ME1: variants seen among roughly 807,000 people sequenced by gnomAD.
ME1 encodes the protein NADP-dependent malic enzyme.
ME1 carries 74 observed loss-of-function variants against 66.4 expected under a neutral mutation model. The ratio of observed to expected loss-of-function variants is 1.11; its 90% CI spans 0.92 to 1.35. The LOEUF (loss-of-function observed/expected upper bound fraction) is 1.35. ME1 is among the 40% of genes most tolerant of loss of function. The pLI, the probability that ME1 is intolerant of heterozygous loss-of-function variation, is 0.00. For synonymous variants in ME1, 251 were observed against 235.6 expected (o/e 1.07, Z -0.60); for missense variants, 750 against 694.1 (o/e 1.08, Z -0.90).
intron 4 of ME1, among the ~76,000 whole-genome samples, chr6:83,347,479 T>C (rs956444677): frequency 1.3e-5 from 2 of 152,194 alleles, no homozygotes; most frequent in African/African-American, 2.4e-5. Context: ...GTCAGTTATT[T>C]GGCCTTGGGT....
chr6:83,296,660 T>C (rs146089384), intron 6 of ME1, among the ~76,000 whole-genome samples: 3 of 152,132 alleles, frequency 2.0e-5, no homozygotes, highest in East Asian at 3.8e-4. Flanking sequence ...ATTGGAAGTC[T>C]TGTCCACAGC....
intron 1 of ME1, among the ~76,000 whole-genome samples, chr6:83,409,288 C>T (rs1319847611): frequency 1.3e-5 from 2 of 152,214 alleles, no homozygotes; most frequent in Non-Finnish European, 2.9e-5. Flanking sequence ...CTACTGCTAT[C>T]TCTAATCAAC....
chr6:83,254,768 C>G (rs1347902350), intron 6 of ME1, among the ~76,000 whole-genome samples: 1 of 152,164 alleles, frequency 6.6e-6, no homozygotes. Flanking sequence ...GCTGCAATTT[C>G]TCCTTTACTA....
chr6:83,368,925 TA>T (rs1583404353), intron 3 of ME1, among the ~76,000 whole-genome samples: 1 of 152,174 alleles, frequency 6.6e-6, no homozygotes, highest in African/African-American at 2.4e-5. Flanking sequence ...TTTCCCATTT[TA>T]TTTTCATTTC....
At chr6:83,362,522 C>G (rs1371325746) in intron 3 of ME1, among the ~76,000 whole-genome samples, 1 of 152,192 alleles carries the variant, frequency 6.6e-6, no homozygotes, top group African/African-American at 2.4e-5. Flanking sequence ...TACGTATGGG[C>G]TCAGCAACAT....
intron 3 of ME1, among the ~76,000 whole-genome samples, chr6:83,361,084 G>T (rs574929563): frequency 9.8e-5 from 15 of 152,358 alleles, no homozygotes; most frequent in South Asian, 6.2e-4. Context: ...GCTCCTGCAA[G>T]ATATGACACT....
intron 7 of ME1, among the ~76,000 whole-genome samples, chr6:83,242,313 A>G (rs1489841782): frequency 6.6e-6 from 1 of 152,240 alleles, no homozygotes; most frequent in Non-Finnish European, 1.5e-5. Flanking sequence ...ACCTTTTATC[A>G]AAGAATAGCC....
intron 3 of ME1, among the ~76,000 whole-genome samples, chr6:83,365,078 G>A (rs564329009): frequency 2.0e-5 from 3 of 152,116 alleles, no homozygotes; most frequent in Non-Finnish European, 4.4e-5. Context: ...CCCTGAGGCA[G>A]GCCACCAACC....
At chr6:83,387,997 T>C (rs984884214) in intron 3 of ME1, among the ~76,000 whole-genome samples, 1 of 152,120 alleles carries the variant, frequency 6.6e-6, no homozygotes, top group Non-Finnish European at 1.5e-5. Context: ...CCCTTCTACT[T>C]GGAAGTCCGA....
At chr6:83,277,540 T>C (rs1416821545) in intron 6 of ME1, among the ~76,000 whole-genome samples, 4 of 152,104 alleles carry the variant, frequency 2.6e-5, no homozygotes, top group African/African-American at 4.8e-5. Flanking sequence ...TAACAAAACA[T>C]GGGGAAAGGA....
At chr6:83,275,673 G>A (rs1162314946) in intron 6 of ME1, among the ~76,000 whole-genome samples, 1 of 147,802 alleles carries the variant, frequency 6.8e-6, no homozygotes, top group East Asian at 2.0e-4. Context: ...CACCGTGTTA[G>A]CCAGGATGGT....
chr6:83,379,306 C>T (rs748444471), intron 3 of ME1, among the ~76,000 whole-genome samples: 1 of 152,006 alleles, frequency 6.6e-6, no homozygotes, highest in Non-Finnish European at 1.5e-5. Flanking sequence ...CTCATCTGCT[C>T]ATGTGAAAAA....
intron 3 of ME1, among the ~76,000 whole-genome samples, chr6:83,396,700 A>T (rs1223157436): frequency 6.6e-6 from 1 of 152,218 alleles, no homozygotes; most frequent in African/African-American, 2.4e-5. Flanking sequence ...AGCTAGAGGT[A>T]TCATACTACC....
At chr6:83,294,078 T>G (rs945633738) in intron 6 of ME1, among the ~76,000 whole-genome samples, 2 of 152,198 alleles carry the variant, frequency 1.3e-5, no homozygotes, top group Non-Finnish European at 2.9e-5. Context: ...GTTTGCATAT[T>G]AAATTATATA....
chr6:83,287,814 T>C (rs11969500), intron 6 of ME1, among the ~76,000 whole-genome samples: 3,973 of 152,274 alleles, frequency 0.026, 160 homozygotes, highest in African/African-American at 0.092. Context: ...CTCCAGCATC[T>C]GTTGTTTCCT....
chr6:83,281,582 C>T (rs1384938156), intron 6 of ME1, among the ~76,000 whole-genome samples: 1 of 151,732 alleles, frequency 6.6e-6, no homozygotes, highest in African/African-American at 2.4e-5. Flanking sequence ...GGTGTGGGCC[C>T]ATCACTTGAG....
At chr6:83,287,768 C>A (rs181216283) in intron 6 of ME1, among the ~76,000 whole-genome samples, 3 of 152,186 alleles carry the variant, frequency 2.0e-5, no homozygotes, top group East Asian at 3.9e-4. Flanking sequence ...ACACTCCCAA[C>A]AATAGTGTAA....
intron 6 of ME1, among the ~76,000 whole-genome samples, chr6:83,260,319 T>C (rs1766860371): frequency 6.6e-6 from 1 of 152,188 alleles, no homozygotes; most frequent in African/African-American, 2.4e-5. Flanking sequence ...AAAGTGGCTA[T>C]TTAGTATATT....
At chr6:83,246,526 G>A (rs1358833768) in intron 7 of ME1, among the ~76,000 whole-genome samples, 1 of 151,784 alleles carries the variant, frequency 6.6e-6, no homozygotes, top group African/African-American at 2.4e-5. Context: ...AAAATATCTT[G>A]TGAATACCTA....
Sources: gnomAD v4.1 joint callset for allele counts (sites outside exome capture counted in the v4.1 genomes callset) on GRCh38, gnomAD v4.1.1 for gene constraint, MANE v1.5 for transcripts, NCBI Gene and HGNC (gene_info 2026-07-23, HGNC 2026-07-21) for gene names.